Variants in ANKRD55 observed in about 807,000 individuals in gnomAD.
ANKRD55 encodes the protein ankyrin repeat domain 55.
Under a neutral mutation model 60.6 loss-of-function variants are expected in ANKRD55, and 41 were observed. The observed-to-expected ratio is 0.68, with a 90% confidence interval of 0.53 to 0.88. The LOEUF (loss-of-function observed/expected upper bound fraction) is 0.88. ANKRD55 is among the 40% of genes least tolerant of loss of function. The pLI is 0.00. For synonymous variants in ANKRD55, 264 were observed against 290.3 expected, an observed-to-expected ratio of 0.91 and a Z score of 0.92; for missense variants, 732 against 767.6, an observed-to-expected ratio of 0.95 and a Z score of 0.55.
chr5:56,153,784 C>T (rs1758117272), intron 6 of ANKRD55, among the ~76,000 whole-genome samples: 1 of 151,368 alleles, frequency 6.6e-6, no homozygotes, highest in Admixed American at 6.6e-5. Context: ...TTGCAGTGAG[C>T]CGAGATCGCA....
At chr5:56,173,570 C>CTATA (rs1403998682) in intron 4 of ANKRD55, among the ~76,000 whole-genome samples, 26 of 110,956 alleles carry the variant, frequency 2.3e-4, no homozygotes, top group African/African-American at 3.8e-4. Flanking sequence ...CTCTCTCTCT[C>CTATA]TCTCTCTCTC....
At chr5:56,166,652 A>C (rs1036353350) in intron 5 of ANKRD55, among the ~76,000 whole-genome samples, 2 of 152,094 alleles carry the variant, frequency 1.3e-5, no homozygotes, top group African/African-American at 4.8e-5. Flanking sequence ...ACGGGCAGGA[A>C]AAAAAAAGAC....
chr5:56,124,504 T>C (rs73126481), intron 8 of ANKRD55, among the ~76,000 whole-genome samples: 8,664 of 152,168 alleles, frequency 0.057, 931 homozygotes, highest in African/African-American at 0.2. Context: ...CTATTTATTT[T>C]TGTTTTTTTT....
At chr5:56,168,902 C>G (rs766871299) in intron 5 of ANKRD55, among the ~76,000 whole-genome samples, 15 of 152,226 alleles carry the variant, frequency 9.9e-5, no homozygotes, top group Admixed American at 7.2e-4. Context: ...TGTCGCCCAG[C>G]CTGGAGTGCA....
In ANKRD55 at chr5:56,127,022, T is replaced by G; in HGVS notation, c.697A>C (p.Thr233Pro). The G allele has an allele frequency of 6.2e-7, 1 of 1,613,944 alleles. No individual in the cohort carries two copies. Among genetic ancestry groups the G allele is most frequent in the Non-Finnish European group, 8.5e-7 (1 of 1,179,932 alleles). ...GCTGCCGCTGCGATATGTACACATG[T>G]CTTCCCACTCTCATCATCATAGTTG... ...IINYDDESGK[T>P]CVHIAAAAGF... is the part of the protein sequence containing the mutation. The change falls in exon 8 of 12, where the codon ACA becomes CCA. Residue 233 changes from threonine to proline, a missense_variant. This residue lies in a region of ANKRD55 where 597 missense variants were observed against 607.5 expected (regional missense o/e 0.98). Coordinates refer to ENST00000341048, the MANE Select transcript of ANKRD55 (RefSeq NM_024669.3).
At chr5:56,205,018 A>G (rs1759465355) in intron 2 of ANKRD55, among the ~76,000 whole-genome samples, 1 of 145,682 alleles carries the variant, frequency 6.9e-6, no homozygotes, top group African/African-American at 2.5e-5. Flanking sequence ...GCTGTTTTCA[A>G]TTTTGAAAAA....
chr5:56,138,080 G>A (rs1757658140), intron 7 of ANKRD55, among the ~76,000 whole-genome samples: 1 of 151,198 alleles, frequency 6.6e-6, no homozygotes, highest in Non-Finnish European at 1.5e-5. Flanking sequence ...TGGTGGAAAT[G>A]CAAAATGGTA....
intron 6 of ANKRD55, 22 bp from the exon 7 acceptor site, chr5:56,143,951 G>C: frequency 1.9e-6 from 3 of 1,613,280 alleles, no homozygotes; most frequent in Non-Finnish European, 2.5e-6. Context: ...CAGTCAGAGA[G>C]GACAGAGATG....
At chr5:56,102,733 T>C in intron 10 of ANKRD55, 147 bp from the exon 11 acceptor site, 1 of 576,316 alleles carries the variant, frequency 1.7e-6, no homozygotes, top group Non-Finnish European at 3.1e-6. Context: ...ATAGCTACAC[T>C]TTATTGCATT....
At chr5:56,122,327 G>A (rs1366489076) in intron 8 of ANKRD55, among the ~76,000 whole-genome samples, 3 of 152,054 alleles carry the variant, frequency 2.0e-5, no homozygotes, top group Non-Finnish European at 4.4e-5. Context: ...GGTACTGGAC[G>A]TTTGATTCTA....
chr5:56,118,044 G>A (rs1235762567), intron 8 of ANKRD55, among the ~76,000 whole-genome samples: 3 of 152,084 alleles, frequency 2.0e-5, no homozygotes, highest in Non-Finnish European at 4.4e-5. Flanking sequence ...TCAGGAGGCT[G>A]AGGCATGAGA....
chr5:56,111,480 G>T lies in ANKRD55; in HGVS notation c.1268C>A (p.Pro423Gln), dbSNP rs1207825919. 3 of 1,614,108 alleles carry T rather than the reference G, an allele frequency of 1.9e-6. No individual in the cohort carries two copies. Among genetic ancestry groups the T allele is most frequent in the African/African-American group, 1.3e-5 (1 of 75,008 alleles). ...NSKYLLPEKK[P>Q]LARKGLPPIR... ...TGGTGGAAGCCCCTTACGGGCCAGCGGTTTCTTTTCTGGTAAGAGATATTT... is the reference window on the plus strand; with the variant it reads ...TGGTGGAAGCCCCTTACGGGCCAGCTGTTTCTTTTCTGGTAAGAGATATTT... Residue 423 changes from proline to glutamine, a missense_variant, in exon 10 of 12, where the codon CCG becomes CAG. Around this residue, in one of 3 missense-constraint regions of ANKRD55, gnomAD observed 597 missense variants for 607.5 expected, o/e 0.98. Coordinates refer to ENST00000341048, the MANE Select transcript of ANKRD55 (RefSeq NM_024669.3).
intron 2 of ANKRD55, among the ~76,000 whole-genome samples, chr5:56,213,503 A>C (rs937757331): frequency 6.6e-6 from 1 of 150,974 alleles, no homozygotes; most frequent in African/African-American, 2.5e-5. Flanking sequence ...GTAGGTAAGA[A>C]TATCCAATAA....
intron 2 of ANKRD55, among the ~76,000 whole-genome samples, chr5:56,203,039 A>G (rs1244299245): frequency 6.6e-6 from 1 of 152,222 alleles, no homozygotes; most frequent in East Asian, 1.9e-4. Context: ...GGCAATATAC[A>G]CATTTACTGA....
At chr5:56,141,018 G>T (rs1040954860) in intron 7 of ANKRD55, among the ~76,000 whole-genome samples, 1 of 151,546 alleles carries the variant, frequency 6.6e-6, no homozygotes, top group Non-Finnish European at 1.5e-5. Flanking sequence ...AGCCAAGATC[G>T]CACCATTGCA....
rs149694065 is a variant in ANKRD55, at chr5:56,133,847, G to A, written c.613-6741C>T. Among the ~76,000 whole-genome samples the A allele has an allele frequency of 5.6e-3, 637 of 114,380 alleles. 151 individuals are homozygous for A. Among genetic ancestry groups the A allele is most frequent in the African/African-American group, 0.017 (585 of 35,320 alleles). 75.0% of individuals were successfully genotyped at this position (114,380 alleles called of 152,430 possible). A position where few individuals can be genotyped will look rare whatever the true frequency, so the allele number is the denominator to read the frequency against. ...AGCTTTGAATGTATATATTAAAAAA[G>A]AAGAAAGATCTAGAATCAATTATAT... is the stretch of plus-strand genomic sequence containing the variant. On this transcript the variant is annotated intron_variant, in intron 7 of 11. Transcript: ENST00000341048.
chr5:56,199,323 G>C lies in ANKRD55; in HGVS notation c.59-15689C>G, dbSNP rs1211215244. On this transcript the variant is annotated intron_variant, in intron 2 of 11. Coordinates refer to ENST00000341048, the MANE Select transcript of ANKRD55 (RefSeq NM_024669.3). ...GGCCCGGCAAATTAATAACCTACAT[G>C]AAGTATTTTATCAGAGGGAAACTAA... Among the ~76,000 whole-genome samples, 8 of 152,126 alleles carry C rather than the reference G, an allele frequency of 5.3e-5. No individual in the cohort carries two copies. The East Asian group carries it at 1.5e-3, about 29-fold the overall frequency.
At chr5:56,172,121 GAA>G (rs11362837) in intron 4 of ANKRD55, among the ~76,000 whole-genome samples, 70 of 87,144 alleles carry the variant, frequency 8.0e-4, no homozygotes, top group East Asian at 2.1e-3. Flanking sequence ...TCTGTCTCAA[GAA>G]AAAAAAAAAA....
intron 10 of ANKRD55, 88 bp downstream of exon 10, chr5:56,111,030 A>G: frequency 6.9e-7 from 1 of 1,448,972 alleles, no homozygotes; most frequent in Non-Finnish European, 9.4e-7. Context: ...CTTCTAGGCT[A>G]TTGTCACTCC....
Sources: allele counts gnomAD v4.1 joint callset (sites outside exome capture counted in the v4.1 genomes callset), GRCh38; gene constraint gnomAD v4.1.1; regional missense constraint gnomAD v4.1.1; transcripts MANE v1.5; gene names NCBI Gene and HGNC (gene_info 2026-07-23, HGNC 2026-07-21).